ZDHHC14: variants seen among roughly 807,000 people sequenced by gnomAD.
ZDHHC14 encodes the protein palmitoyltransferase ZDHHC14.
In ZDHHC14, 16 loss-of-function variants were observed where a neutral mutation model predicts 47.7. That is an observed-to-expected ratio of 0.34 (90% CI 0.23 to 0.51). The LOEUF (loss-of-function observed/expected upper bound fraction) is 0.51. Among genes scored for constraint, ZDHHC14 ranks in the 20% least tolerant of loss-of-function variants. ZDHHC14 has a pLI of 0.97. For missense variants in ZDHHC14, 515 were observed against 662.5 expected (o/e 0.78, Z 2.44); for synonymous variants, 293 against 278.9 (o/e 1.05, Z -0.50).
intron 1 of ZDHHC14, among the ~76,000 whole-genome samples, chr6:157,454,955 A>G (rs1778879913): frequency 6.6e-6 from 1 of 152,200 alleles, no homozygotes; most frequent in African/African-American, 2.4e-5. Context: ...AGTCCTGTGA[A>G]CAATGCTGTT....
At chr6:157,661,180 C>G (rs1778329807) in intron 8 of ZDHHC14, among the ~76,000 whole-genome samples, 1 of 152,012 alleles carries the variant, frequency 6.6e-6, no homozygotes, top group Non-Finnish European at 1.5e-5. Context: ...CCATGGATAC[C>G]TGGGGGTGGT....
At chr6:157,458,987 T>C (rs566138806) in intron 1 of ZDHHC14, among the ~76,000 whole-genome samples, 3 of 151,606 alleles carry the variant, frequency 2.0e-5, no homozygotes, top group Non-Finnish European at 4.4e-5. Context: ...CCCAAGTAGA[T>C]TACAGGCATG....
chr6:157,602,307 A>G (rs4709427), intron 3 of ZDHHC14, among the ~76,000 whole-genome samples: 95,751 of 151,370 alleles, frequency 0.63, 31,777 homozygotes, highest in African/African-American at 0.84. Flanking sequence ...AGGTGTTCGA[A>G]ACCAGCCTGG....
chr6:157,603,950 C>T (rs149598308), intron 3 of ZDHHC14, among the ~76,000 whole-genome samples: 6 of 152,192 alleles, frequency 3.9e-5, no homozygotes, highest in African/African-American at 1.2e-4. Context: ...ATACATTTGG[C>T]TCTCTGTATT....
At chr6:157,662,238 G>A (rs951581680) in intron 8 of ZDHHC14, among the ~76,000 whole-genome samples, 1 of 152,078 alleles carries the variant, frequency 6.6e-6, no homozygotes, top group Non-Finnish European at 1.5e-5. Context: ...CTGTAGTGCG[G>A]TAGCACGATC....
At chr6:157,454,477 A>T (rs1428162236) in intron 1 of ZDHHC14, among the ~76,000 whole-genome samples, 2 of 150,394 alleles carry the variant, frequency 1.3e-5, no homozygotes, top group Non-Finnish European at 2.9e-5. Flanking sequence ...TGATTTTAAA[A>T]TGCTTTTAAT....
chr6:157,447,209 T>C (rs1778693443), intron 1 of ZDHHC14, among the ~76,000 whole-genome samples: 1 of 152,240 alleles, frequency 6.6e-6, no homozygotes, highest in South Asian at 2.1e-4. Context: ...AAGGTTTTAT[T>C]TGTGCATTGA....
intron 2 of ZDHHC14, among the ~76,000 whole-genome samples, chr6:157,567,634 T>A (rs1241742449): frequency 1.3e-5 from 2 of 152,126 alleles, no homozygotes; most frequent in East Asian, 3.9e-4. Flanking sequence ...CTGGCCAACA[T>A]GGCGAAACCC....
intron 1 of ZDHHC14, among the ~76,000 whole-genome samples, chr6:157,383,539 C>T (rs560880331): frequency 3.2e-4 from 49 of 152,316 alleles, no homozygotes; most frequent in African/African-American, 1.1e-3. Flanking sequence ...TAATACTTGT[C>T]GCTCAAAGCC....
chr6:157,503,268 C>G (rs1053483005), intron 1 of ZDHHC14, among the ~76,000 whole-genome samples: 4 of 152,156 alleles, frequency 2.6e-5, no homozygotes, highest in African/African-American at 7.2e-5. Flanking sequence ...GCAGGTGGGT[C>G]CATGTGCTTC....
Position 157,675,148 on chromosome 6 carries a change from G to A in ZDHHC14, c.*2026G>A, listed in dbSNP as rs562170276. On this transcript the variant is annotated 3_prime_UTR_variant, in exon 9 of 9. Transcript: ENST00000359775. Reference sequence around the variant, plus strand: ...GGAAGGAGTTGGCCCTGATGAGAACGGTGCTCCATGGGTGACCGCGAATCC... The same window carrying A: ...GGAAGGAGTTGGCCCTGATGAGAACAGTGCTCCATGGGTGACCGCGAATCC... The A allele has an allele frequency of 3.9e-5, 6 of 152,372 alleles. No homozygotes were observed. In the East Asian group the frequency reaches 5.8e-4, roughly 15 times the overall value. 9.4% of individuals were successfully genotyped at this position (152,372 alleles called of 1,614,324 possible).
chr6:157,492,187 A>C (rs1779935633), intron 1 of ZDHHC14, among the ~76,000 whole-genome samples: 4 of 125,596 alleles, frequency 3.2e-5, no homozygotes, highest in African/African-American at 9.9e-5. Context: ...TTGACCCTCA[A>C]CATCCCCCCT....
At chr6:157,386,216 TAA>T (rs1777308305) in intron 1 of ZDHHC14, among the ~76,000 whole-genome samples, 1 of 152,058 alleles carries the variant, frequency 6.6e-6, no homozygotes, top group South Asian at 2.1e-4. Flanking sequence ...GCTATTAAAG[TAA>T]AAACCTGGCC....
rs1179771250 is a variant in ZDHHC14, at chr6:157,502,468, C to T, written c.246-40117C>T. Among the ~76,000 whole-genome samples the T allele has an allele frequency of 6.6e-6, 1 of 152,144 alleles. No homozygotes were observed. Among genetic ancestry groups the T allele is most frequent in the Admixed American group, 6.5e-5 (1 of 15,278 alleles). ...CCTGTTCAAGGGTTTTCAAAACCTG[C>T]CTTGGAAAGAAAGTCCATGCTCAGC... On this transcript the variant is annotated intron_variant, in intron 1 of 8. Transcript: ENST00000359775. The surrounding 1 kb of genome is among the most constrained non-coding windows in gnomAD (Gnocchi z 4.0).
intron 2 of ZDHHC14, among the ~76,000 whole-genome samples, chr6:157,559,667 T>C (rs1310025261): frequency 6.6e-6 from 1 of 152,204 alleles, no homozygotes; most frequent in African/African-American, 2.4e-5. Context: ...ACTGTTTTGT[T>C]TTTCCCCACT....
chr6:157,474,681 T>C (rs1779436084), intron 1 of ZDHHC14, among the ~76,000 whole-genome samples: 1 of 141,868 alleles, frequency 7.0e-6, no homozygotes, highest in South Asian at 2.4e-4. Context: ...CAACATTCCT[T>C]CATATACCTG....
At chr6:157,384,043 C>T (rs1462553433) in intron 1 of ZDHHC14, among the ~76,000 whole-genome samples, 2 of 152,220 alleles carry the variant, frequency 1.3e-5, no homozygotes, top group African/African-American at 4.8e-5. Flanking sequence ...AATTTAGTTA[C>T]AGGTGGTCCT....
At chr6:157,666,776 C>T (rs934475789) in intron 8 of ZDHHC14, among the ~76,000 whole-genome samples, 5 of 152,180 alleles carry the variant, frequency 3.3e-5, no homozygotes, top group African/African-American at 1.2e-4. Context: ...CCTACATGAG[C>T]AATTTTATTT....
At position 157,382,214 on chromosome 6, in the gene ZDHHC14, T is replaced by C. The variant is rs960334426; in HGVS notation, c.193T>C (p.Tyr65His). 1 of 1,613,310 alleles carries C rather than the reference T, an allele frequency of 6.2e-7. No homozygotes were observed. Among genetic ancestry groups the C allele is most frequent in the Non-Finnish European group, 8.5e-7 (1 of 1,179,742 alleles). The change falls in exon 1 of 9, where the codon TAC becomes CAC. Residue 65 changes from tyrosine to histidine, a missense_variant. Transcript: ENST00000359775. The part of the protein sequence containing the change: ...IMMARQTGVF[Y>H]LTLVLILVTS... ...GATGGCCCGGCAGACGGGCGTCTTC[T>C]ACCTGACGCTCGTCCTCATCCTGGT...
Sources: allele counts gnomAD v4.1 joint callset (sites outside exome capture counted in the v4.1 genomes callset), GRCh38; gene constraint gnomAD v4.1.1; non-coding constraint Gnocchi (gnomAD v3.1); transcripts MANE v1.5; gene names NCBI Gene and HGNC (gene_info 2026-07-23, HGNC 2026-07-21).